MID1: variants seen among roughly 807,000 people sequenced by gnomAD.
MID1 encodes the protein E3 ubiquitin-protein ligase Midline-1.
MID1 carries 7 observed loss-of-function variants against 40.4 expected under a neutral mutation model. The ratio of observed to expected loss-of-function variants is 0.17; its 90% CI spans 0.10 to 0.33. The LOEUF (loss-of-function observed/expected upper bound fraction) is 0.33, where lower values mean the gene tolerates loss of function less well. Ranked by LOEUF, MID1 falls within the 10% of genes least tolerant of loss-of-function variation. MID1 has a pLI of 1.00. For synonymous variants in MID1, 229 were observed against 221.2 expected, an observed-to-expected ratio of 1.04 and a Z score of -0.31; for missense variants, 367 against 558.5, an observed-to-expected ratio of 0.66 and a Z score of 3.46.
At chrX:10,821,475 C>T (rs1255404406) in intron 1 of MID1, among the ~76,000 whole-genome samples, 2 of 112,184 alleles carry the variant, frequency 1.8e-5, no homozygotes, top group African/African-American at 6.5e-5. Flanking sequence ...CCTACTAGGA[C>T]ACTAGTACTA....
intron 1 of MID1, among the ~76,000 whole-genome samples, chrX:10,692,316 C>T (rs1183929910): frequency 9.0e-6 from 1 of 111,296 alleles, no homozygotes; most frequent in African/African-American, 3.3e-5. Context: ...AAATTCTTCT[C>T]TTTGTACTCT....
intron 7 of MID1, 79 bp from the exon 8 acceptor site, chrX:10,459,886 C>T: frequency 1.1e-5 from 11 of 1,033,008 alleles, no homozygotes; most frequent in Non-Finnish European, 1.5e-5. Context: ...TGAATAATTT[C>T]CATTTATTTG....
intron 1 of MID1, among the ~76,000 whole-genome samples, chrX:10,808,394 A>G (rs142896472): frequency 0.033 from 3,639 of 110,261 alleles, 163 homozygotes; most frequent in African/African-American, 0.11. Flanking sequence ...TGATGACTCT[A>G]TCTATGCTGT....
chrX:10,449,624 T>C lies in MID1; in HGVS notation c.1748A>G (p.Asn583Ser), dbSNP rs1457192745. The C allele has an allele frequency of 2.5e-6, 3 of 1,211,454 alleles. No individual in the cohort carries two copies. Among genetic ancestry groups the C allele is most frequent in the African/African-American group, 1.7e-5 (1 of 57,690 alleles). ...ASWALCRCNN[N>S]WVVRHNSKEI... ...CTTGCTATTGTGTCTCACCACCCAGTTATTGTTGCAGCGGCAGAGCGCCCA... is the reference window on the plus strand; with the variant it reads ...CTTGCTATTGTGTCTCACCACCCAGCTATTGTTGCAGCGGCAGAGCGCCCA... The change falls in exon 10 of 10, where the codon AAC becomes AGC. Residue 583 changes from asparagine (N) to serine (S), a missense_variant. Around this residue, in one of 3 missense-constraint regions of MID1, gnomAD observed 275 missense variants for 383.1 expected, o/e 0.72. Coordinates refer to ENST00000317552, the MANE Select transcript of MID1 (RefSeq NM_000381.4).
chrX:10,712,596 A>C (rs770987418), intron 1 of MID1, among the ~76,000 whole-genome samples: 12 of 110,626 alleles, frequency 1.1e-4, no homozygotes, highest in Non-Finnish European at 1.1e-4. Context: ...TCAAGGGCCA[A>C]ATGGGGCACT....
chrX:10,638,417 C>G (rs189005430), intron 1 of MID1, among the ~76,000 whole-genome samples: 199 of 112,115 alleles, frequency 1.8e-3, no homozygotes, highest in African/African-American at 6.2e-3. Context: ...GCTAGCACAG[C>G]AATCTGAGAT....
intron 1 of MID1, among the ~76,000 whole-genome samples, chrX:10,633,495 T>A (rs1936074934): frequency 9.0e-6 from 1 of 111,073 alleles, no homozygotes; most frequent in Admixed American, 9.6e-5. Flanking sequence ...TTGCCCAGGC[T>A]AGAGTGCAGT....
intron 1 of MID1, among the ~76,000 whole-genome samples, chrX:10,789,399 A>T (rs2043912917): frequency 8.9e-6 from 1 of 112,388 alleles, no homozygotes; most frequent in African/African-American, 3.2e-5. Flanking sequence ...CATATATGAC[A>T]TGTTCCCATA....
intron 7 of MID1, among the ~76,000 whole-genome samples, chrX:10,463,726 G>A: frequency 8.9e-6 from 1 of 112,090 alleles, no homozygotes; most frequent in Admixed American, 9.5e-5. Flanking sequence ...TCTCAACCAT[G>A]TGAAGTTAAA....
intron 1 of MID1, among the ~76,000 whole-genome samples, chrX:10,640,638 T>C (rs960008934): frequency 9.0e-6 from 1 of 111,200 alleles, no homozygotes; most frequent in Non-Finnish European, 1.9e-5. Context: ...TATCCAGGAA[T>C]TGAACTCAGC....
chrX:10,823,751 G>A (rs2044194976), intron 1 of MID1, among the ~76,000 whole-genome samples: 1 of 110,676 alleles, frequency 9.0e-6, no homozygotes, highest in African/African-American at 3.3e-5. Flanking sequence ...AGAACTGGTT[G>A]TACTAACACC....
chrX:10,817,330 T>C (rs1478150028), intron 1 of MID1, among the ~76,000 whole-genome samples: 1 of 111,618 alleles, frequency 9.0e-6, no homozygotes, highest in Non-Finnish European at 1.9e-5. Context: ...TAATCCACCT[T>C]TCAGCAAAAC....
intron 1 of MID1, among the ~76,000 whole-genome samples, chrX:10,651,775 G>A (rs2147575367): frequency 8.9e-6 from 1 of 111,798 alleles, no homozygotes; most frequent in African/African-American, 3.2e-5. Context: ...ATAGGCACAT[G>A]CCACCACATC....
rs375365846 is a variant in MID1 at position 10,700,464 on chromosome X, A to T, written c.-186-80045T>A. Reference sequence around the variant, plus strand: ...CTACTCAGGAGGCTGAGGTGGGAGGATCACCTGAGCTCTGGGAGGTTGAGG... The same window carrying T: ...CTACTCAGGAGGCTGAGGTGGGAGGTTCACCTGAGCTCTGGGAGGTTGAGG... On this transcript the variant is annotated intron_variant, in intron 1 of 10. Transcript: ENST00000380785. Among the ~76,000 whole-genome samples, 310 of 111,358 alleles carry T rather than the reference A, an allele frequency of 2.8e-3. 9 individuals carry two copies. In the South Asian group the frequency reaches 0.11, roughly 41 times the overall value.
chrX:10,811,951 G>A (rs1016694961), intron 1 of MID1, among the ~76,000 whole-genome samples: 2 of 111,697 alleles, frequency 1.8e-5, no homozygotes, highest in African/African-American at 3.3e-5. Context: ...ATATTTTGGA[G>A]GTAAGAAGGT....
At chrX:10,597,591 T>C (rs1212689246) in intron 1 of MID1, among the ~76,000 whole-genome samples, 3 of 112,041 alleles carry the variant, frequency 2.7e-5, no homozygotes, top group Non-Finnish European at 3.8e-5. Flanking sequence ...AGCACAGATA[T>C]ACATAAATAG....
chrX:10,538,412 C>T (rs1353234928), intron 2 of MID1, among the ~76,000 whole-genome samples: 1 of 111,414 alleles, frequency 9.0e-6, no homozygotes, highest in Non-Finnish European at 1.9e-5. Flanking sequence ...TTCTAACAAT[C>T]TTCCATGAAT....
intron 2 of MID1, among the ~76,000 whole-genome samples, chrX:10,551,055 T>C (rs1040458509): frequency 2.2e-4 from 25 of 111,910 alleles, no homozygotes; most frequent in African/African-American, 8.1e-4. Flanking sequence ...TTATATAAAA[T>C]GGCATAGTAT....
In MID1 at chrX:10,525,434, A is replaced by G. The variant is rs147070363; in HGVS notation, c.661-2247T>C. Among the ~76,000 whole-genome samples, 1,023 of 112,132 alleles carry G rather than the reference A, an allele frequency of 9.1e-3. 7 individuals are homozygous for G. The highest frequency in any genetic ancestry group is 0.027 in the African/African-American group (841 of 30,862). ...ACGATTCTCTTCTCCATAATCTCAA[A>G]ACAACTAAACTTACTTATTCTTAAG... is the stretch of plus-strand genomic sequence containing the variant. On this transcript the variant is annotated intron_variant, in intron 2 of 9. Coordinates refer to ENST00000317552, the MANE Select transcript of MID1 (RefSeq NM_000381.4).
Sources: gnomAD v4.1 joint callset for allele counts (sites outside exome capture counted in the v4.1 genomes callset) on GRCh38, gnomAD v4.1.1 for gene constraint, gnomAD v4.1.1 regional missense constraint, MANE v1.5 for transcripts, NCBI Gene and HGNC (gene_info 2026-07-23, HGNC 2026-07-21) for gene names.